SRBD1: variants seen among roughly 807,000 people sequenced by gnomAD.
SRBD1 encodes the protein S1 RNA binding domain 1, also known as S1 RNA-binding domain-containing protein 1.
A neutral mutation model predicts 115.3 loss-of-function variants in SRBD1; 88 were observed. The ratio of observed to expected loss-of-function variants is 0.76; its 90% CI spans 0.64 to 0.91. The LOEUF is 0.91. Among genes scored for constraint, SRBD1 ranks in the 40% least tolerant of loss-of-function variants. The probability of loss-of-function intolerance (pLI) is 0.00; values close to 1 mark genes in which losing one functional copy is unlikely to be tolerated. For missense variants in SRBD1, 1,385 were observed against 1,177.4 expected (o/e 1.18, Z -2.58); for synonymous variants, 509 against 407.7 (o/e 1.25, Z -2.99).
chr2:45,414,055 T>C (rs1251523439), intron 18 of SRBD1, among the ~76,000 whole-genome samples: 1 of 152,170 alleles, frequency 6.6e-6, no homozygotes, highest in Non-Finnish European at 1.5e-5. Flanking sequence ...AACATTACTT[T>C]AAAAGGATCT....
At chr2:45,562,014 G>A (rs895819532) in intron 10 of SRBD1, among the ~76,000 whole-genome samples, 2 of 152,004 alleles carry the variant, frequency 1.3e-5, no homozygotes, top group Admixed American at 6.6e-5. Flanking sequence ...ATTTTTGCAA[G>A]GGAAAAGATG....
At chr2:45,464,702 A>C (rs1056871339) in intron 16 of SRBD1, among the ~76,000 whole-genome samples, 2 of 152,200 alleles carry the variant, frequency 1.3e-5, no homozygotes, top group African/African-American at 4.8e-5. Context: ...AAATTCACAC[A>C]GGTATAAAAC....
At chr2:45,407,793 G>C (rs145362736) in intron 19 of SRBD1, among the ~76,000 whole-genome samples, 1 of 151,774 alleles carries the variant, frequency 6.6e-6, no homozygotes, top group East Asian at 1.9e-4. Flanking sequence ...GATATAAAAG[G>C]TAAACAAGTA....
chr2:45,459,794 C>T (rs574490622), intron 16 of SRBD1, among the ~76,000 whole-genome samples: 17 of 152,084 alleles, frequency 1.1e-4, no homozygotes, highest in African/African-American at 2.9e-4. Context: ...GTAGCTAAAC[C>T]AAGGTCCATA....
Position 45,559,890 on chromosome 2 carries a change from G to A in SRBD1, c.1409+2763C>T, listed in dbSNP as rs185717871. Among the ~76,000 whole-genome samples the A allele has an allele frequency of 1.5e-3, 225 of 152,148 alleles. 1 individual carries two copies. Among genetic ancestry groups the A allele is most frequent in the African/African-American group, 5.1e-3 (210 of 41,492 alleles). ...GAGTTCAGGAGTTTGAGAACAGCCTGGGAAATATGGCAAAACCCCTGTCTC... is the reference window on the plus strand; with the variant it reads ...GAGTTCAGGAGTTTGAGAACAGCCTAGGAAATATGGCAAAACCCCTGTCTC... On this transcript the variant is annotated intron_variant, in intron 10 of 20. Coordinates refer to ENST00000263736, the MANE Select transcript of SRBD1 (RefSeq NM_018079.5).
At chr2:45,396,887 C>T (rs886232502) in intron 19 of SRBD1, among the ~76,000 whole-genome samples, 1 of 152,146 alleles carries the variant, frequency 6.6e-6, no homozygotes, top group Non-Finnish European at 1.5e-5. Context: ...TGATGCAACA[C>T]AATCACTTTA....
At chr2:45,545,986 C>T (rs1672108244) in intron 14 of SRBD1, among the ~76,000 whole-genome samples, 1 of 152,244 alleles carries the variant, frequency 6.6e-6, no homozygotes, top group African/African-American at 2.4e-5. Flanking sequence ...AGTTTTCTCA[C>T]TAGCAGTGGG....
At chr2:45,540,873 T>C (rs1671911993) in intron 14 of SRBD1, among the ~76,000 whole-genome samples, 1 of 152,352 alleles carries the variant, frequency 6.6e-6, no homozygotes, top group African/African-American at 2.4e-5. Context: ...TACCAAGCAC[T>C]GACCATAACT....
chr2:45,482,673 T>C (rs1670002837), intron 15 of SRBD1, among the ~76,000 whole-genome samples: 1 of 150,240 alleles, frequency 6.7e-6, no homozygotes, highest in African/African-American at 2.4e-5. Flanking sequence ...AAATAAAACA[T>C]GCAGAACAAG....
chr2:45,394,152 G>A (rs776594296), intron 19 of SRBD1, among the ~76,000 whole-genome samples: 3 of 152,030 alleles, frequency 2.0e-5, no homozygotes, highest in Non-Finnish European at 2.9e-5. Context: ...TATACATTAT[G>A]TAACTGTAAT....
intron 14 of SRBD1, among the ~76,000 whole-genome samples, chr2:45,524,564 ATATT>A (rs995514995): frequency 6.6e-6 from 1 of 152,040 alleles, no homozygotes; most frequent in Admixed American, 6.6e-5. Flanking sequence ...GAACAACAAA[ATATT>A]TAGGAATAAA....
intron 8 of SRBD1, among the ~76,000 whole-genome samples, chr2:45,573,889 G>C (rs1026806188): frequency 3.3e-5 from 5 of 152,112 alleles, no homozygotes; most frequent in African/African-American, 1.2e-4. Context: ...AGCAACAGTA[G>C]TCAACTAGGT....
chr2:45,398,525 C>T (rs915873366), intron 19 of SRBD1, among the ~76,000 whole-genome samples: 2 of 152,158 alleles, frequency 1.3e-5, no homozygotes, highest in Non-Finnish European at 1.5e-5. Flanking sequence ...ATCTGTTATA[C>T]ATGTACAGAA....
chr2:45,537,999 G>C (rs1037575481), intron 14 of SRBD1, among the ~76,000 whole-genome samples: 4 of 152,178 alleles, frequency 2.6e-5, no homozygotes, highest in Non-Finnish European at 4.4e-5. Context: ...CAGGCAAGGA[G>C]GTATGAGCCA....
chr2:45,419,703 C>T (rs1404626932), intron 17 of SRBD1, 85 bp downstream of exon 17: 15 of 1,160,830 alleles, frequency 1.3e-5, no homozygotes, highest in African/African-American at 3.0e-5. Flanking sequence ...ACTTTATACA[C>T]GTGTTCCCTT....
chr2:45,585,021 A>T (rs547089774), intron 5 of SRBD1, among the ~76,000 whole-genome samples: 2 of 152,162 alleles, frequency 1.3e-5, no homozygotes, highest in South Asian at 4.1e-4. Flanking sequence ...GTGGTGGCGC[A>T]TTCCTGTAAT....
intron 14 of SRBD1, among the ~76,000 whole-genome samples, chr2:45,542,934 A>G (rs1305737330): frequency 2.0e-5 from 3 of 152,278 alleles, no homozygotes; most frequent in Non-Finnish European, 4.4e-5. Context: ...CCATGAAAGA[A>G]GCCAATAAAA....
intron 14 of SRBD1, among the ~76,000 whole-genome samples, chr2:45,529,454 A>G (rs1356702820): frequency 6.6e-6 from 1 of 151,886 alleles, no homozygotes; most frequent in Non-Finnish European, 1.5e-5. Context: ...TTCCCTACCA[A>G]AAACCTTGAA....
rs531624677 is a variant in SRBD1 at position 45,544,886 on chromosome 2, T to C, written c.1874+1846A>G. ...TCACTTTTAATACTGTTAAAAAACCTGTAAGGTAGGTATTCTTTTCCCCAT... is the reference window on the plus strand; with the variant it reads ...TCACTTTTAATACTGTTAAAAAACCCGTAAGGTAGGTATTCTTTTCCCCAT... On this transcript the variant is annotated intron_variant, in intron 14 of 20. Transcript: ENST00000263736. Among the ~76,000 whole-genome samples the C allele has an allele frequency of 7.2e-5, 11 of 152,330 alleles. No individual in the cohort carries two copies. In the East Asian group the frequency reaches 2.1e-3, roughly 29 times the overall value.
Sources: gnomAD v4.1 joint callset for allele counts (sites outside exome capture counted in the v4.1 genomes callset) on GRCh38, gnomAD v4.1.1 for gene constraint, MANE v1.5 for transcripts, NCBI Gene and HGNC (gene_info 2026-07-23, HGNC 2026-07-21) for gene names.